The following LYPD6B variants were observed in gnomAD, a reference collection of about 807,000 sequenced individuals.
LYPD6B encodes the protein ly6/PLAUR domain-containing protein 6B.
In LYPD6B, 17 loss-of-function variants were observed where a neutral mutation model predicts 22.8. That is an observed-to-expected ratio of 0.75 (90% CI 0.51 to 1.12). The LOEUF is 1.12. LYPD6B is among the 50% of genes most tolerant of loss of function. The pLI is 0.00. For synonymous variants in LYPD6B, 106 were observed against 91.6 expected, an observed-to-expected ratio of 1.16 and a Z score of -0.90; for missense variants, 221 against 258.3, an observed-to-expected ratio of 0.86 and a Z score of 0.99.
intron 1 of LYPD6B, among the ~76,000 whole-genome samples, chr2:149,047,330 G>GT (rs147161557): frequency 0.011 from 1,737 of 152,120 alleles, 13 homozygotes; most frequent in Admixed American, 0.016. Flanking sequence ...TGGGTTGACA[G>GT]TTTTTACGCT....
chr2:149,166,278 G>C (rs10930514), intron 3 of LYPD6B, among the ~76,000 whole-genome samples: 43,079 of 152,088 alleles, frequency 0.28, 7,712 homozygotes, highest in East Asian at 0.55. Flanking sequence ...ATTAAGTCCA[G>C]TGTCCAGGTA....
chr2:149,178,773 C>T (rs1691502824), intron 3 of LYPD6B, among the ~76,000 whole-genome samples: 1 of 152,150 alleles, frequency 6.6e-6, no homozygotes, highest in South Asian at 2.1e-4. Context: ...ATGATGCATC[C>T]CTGTACTTAC....
intron 1 of LYPD6B, among the ~76,000 whole-genome samples, chr2:149,040,118 T>C (rs1683005743): frequency 6.6e-6 from 1 of 152,122 alleles, no homozygotes; most frequent in Non-Finnish European, 1.5e-5. Context: ...ACCTTCAGGC[T>C]TATCTGCTCC....
At chr2:149,096,219 G>C (rs1052738659) in intron 1 of LYPD6B, among the ~76,000 whole-genome samples, 1 of 152,062 alleles carries the variant, frequency 6.6e-6, no homozygotes. Flanking sequence ...GAGAGAAAAA[G>C]AGAGAGAGAC....
At chr2:149,212,008 A>G (rs1378171153) in intron 5 of LYPD6B, among the ~76,000 whole-genome samples, 1 of 151,728 alleles carries the variant, frequency 6.6e-6, no homozygotes, top group Non-Finnish European at 1.5e-5. Flanking sequence ...AAAGTAAAAG[A>G]GGAGGAAAAA....
rs542013185 is a variant in LYPD6B, at chr2:149,102,628, T to A, written c.-66-28255T>A. 1.8e-4 allele frequency among the ~76,000 whole-genome samples: 27 copies of A among 152,242 alleles called. 1 individual carries two copies. In the South Asian group the frequency reaches 5.2e-3, roughly 29 times the overall value. On this transcript the variant is annotated intron_variant, in intron 1 of 6. Coordinates refer to ENST00000409642, the MANE Select transcript of LYPD6B (RefSeq NM_177964.5). ...TTTCTGCAAGGAAGAGTTTGTTTTT[T>A]TGTTTTTGTTTTTTGTTTTGAGACA... is the stretch of plus-strand genomic sequence containing the variant.
intron 1 of LYPD6B, among the ~76,000 whole-genome samples, chr2:149,106,228 G>A (rs899733417): frequency 1.6e-4 from 24 of 152,050 alleles, no homozygotes; most frequent in African/African-American, 5.6e-4. Context: ...TGTTCATGAG[G>A]AATATTGGTT....
chr2:149,185,997 T>G (rs1692072579), intron 3 of LYPD6B, among the ~76,000 whole-genome samples: 1 of 152,242 alleles, frequency 6.6e-6, no homozygotes, highest in Non-Finnish European at 1.5e-5. Flanking sequence ...CTTCCCCTCC[T>G]TGGGCTTCCC....
chr2:149,129,734 T>C (rs1468454873), intron 1 of LYPD6B, among the ~76,000 whole-genome samples: 1 of 152,204 alleles, frequency 6.6e-6, no homozygotes, highest in African/African-American at 2.4e-5. Flanking sequence ...GTAAGACTTA[T>C]GGTGGACTTT....
At chr2:149,138,013 G>C (rs550719952) in intron 2 of LYPD6B, among the ~76,000 whole-genome samples, 3 of 152,080 alleles carry the variant, frequency 2.0e-5, no homozygotes, top group Admixed American at 6.5e-5. Context: ...GATTCAGAAG[G>C]CTTATTGCTT....
At chr2:149,076,992 A>G (rs993470560) in intron 1 of LYPD6B, among the ~76,000 whole-genome samples, 8 of 152,178 alleles carry the variant, frequency 5.3e-5, no homozygotes, top group Non-Finnish European at 4.4e-5. Flanking sequence ...AAACATTCCT[A>G]ACCCAGTAGG....
chr2:149,189,342 T>TATATATATA (rs1692328364), intron 3 of LYPD6B, among the ~76,000 whole-genome samples: 2 of 66,114 alleles, frequency 3.0e-5, no homozygotes, highest in Non-Finnish European at 5.8e-5. Context: ...TTGTCCAAAA[T>TATATATATA]TATATATATA....
intron 3 of LYPD6B, chr2:149,188,635 A>G (rs1192380682): frequency 1.2e-6 from 1 of 835,628 alleles, no homozygotes; most frequent in African/African-American, 1.8e-5. Flanking sequence ...GTGAAAGTCA[A>G]TAATTTTCCA....
intron 2 of LYPD6B, among the ~76,000 whole-genome samples, chr2:149,145,052 A>G (rs561507928): frequency 5.9e-5 from 9 of 152,298 alleles, no homozygotes; most frequent in Non-Finnish European, 1.3e-4. Context: ...TTTTCTGGGA[A>G]GAGGGGTTCA....
intron 6 of LYPD6B, among the ~76,000 whole-genome samples, chr2:149,213,658 T>G (rs150851146): frequency 2.1e-3 from 317 of 152,360 alleles, no homozygotes; most frequent in African/African-American, 7.3e-3. Flanking sequence ...TAGAATTTGA[T>G]TTACCCTGTA....
At chr2:149,192,562 G>T (rs771939374) in intron 3 of LYPD6B, among the ~76,000 whole-genome samples, 1 of 151,898 alleles carries the variant, frequency 6.6e-6, no homozygotes, top group Non-Finnish European at 1.5e-5. Flanking sequence ...TCATTCCCCT[G>T]CAGACACCCT....
intron 1 of LYPD6B, among the ~76,000 whole-genome samples, chr2:149,120,383 A>ATATATATATATTTTTTTTT (rs1327065975): frequency 4.1e-5 from 2 of 48,614 alleles, no homozygotes; most frequent in African/African-American, 2.1e-4. Flanking sequence ...ATATATATAT[A>ATATATATATATTTTTTTTT]TTTTTTTTTT....
chr2:149,051,270 G>A (rs1170736061), intron 1 of LYPD6B, among the ~76,000 whole-genome samples: 4 of 151,622 alleles, frequency 2.6e-5, no homozygotes, highest in Admixed American at 6.6e-5. Flanking sequence ...GGTTCACACC[G>A]TTCTCCTGCT....
intron 3 of LYPD6B, among the ~76,000 whole-genome samples, chr2:149,179,369 G>A (rs982480563): frequency 1.8e-4 from 28 of 152,312 alleles, no homozygotes; most frequent in African/African-American, 5.8e-4. Flanking sequence ...TGCCGATGAC[G>A]ATGATAAAAT....
Sources: gnomAD v4.1 joint callset for allele counts (sites outside exome capture counted in the v4.1 genomes callset) on GRCh38, gnomAD v4.1.1 for gene constraint, MANE v1.5 for transcripts, NCBI Gene and HGNC (gene_info 2026-07-23, HGNC 2026-07-21) for gene names.